Variants in SLCO2A1 observed in about 807,000 individuals in gnomAD.
SLCO2A1 encodes matrin F/G 1.
In SLCO2A1, 60 loss-of-function variants were observed where a neutral mutation model predicts 71.7. The observed-to-expected ratio is 0.84, with a 90% CI of 0.68 to 1.04. The LOEUF (loss-of-function observed/expected upper bound fraction) is 1.04, where lower values mean the gene tolerates loss of function less well. SLCO2A1 is among the 50% of genes least tolerant of loss of function. SLCO2A1 has a pLI of 0.00. For missense variants in SLCO2A1, 745 were observed against 813.4 expected, an observed-to-expected ratio of 0.92 and a Z score of 1.02; for synonymous variants, 308 against 326.7, an observed-to-expected ratio of 0.94 and a Z score of 0.62.
intron 3 of SLCO2A1, among the ~76,000 whole-genome samples, chr3:133,972,484 T>G (rs1271764232): frequency 1.3e-5 from 2 of 152,028 alleles, no homozygotes; most frequent in Non-Finnish European, 2.9e-5. Context: ...GGCAGAAAAT[T>G]TTTCAAAATT....
chr3:133,969,114 CACA>C (rs1298071426), intron 3 of SLCO2A1, among the ~76,000 whole-genome samples: 6 of 152,170 alleles, frequency 3.9e-5, no homozygotes, highest in Admixed American at 2.0e-4. Flanking sequence ...TTTCAAATAC[CACA>C]ACAAGGGCAG....
intron 1 of SLCO2A1, among the ~76,000 whole-genome samples, chr3:134,015,546 C>A (rs2108076686): frequency 6.6e-6 from 1 of 151,962 alleles, no homozygotes; most frequent in African/African-American, 2.4e-5. Context: ...CTATAGTCAA[C>A]AATAATGTAA....
At chr3:134,009,755 A>T (rs1317574214) in intron 1 of SLCO2A1, among the ~76,000 whole-genome samples, 2 of 152,250 alleles carry the variant, frequency 1.3e-5, no homozygotes. Flanking sequence ...ACAACAACAG[A>T]TATAAATAGG....
At chr3:133,959,783 G>C (rs1354944544) in intron 3 of SLCO2A1, among the ~76,000 whole-genome samples, 2 of 151,946 alleles carry the variant, frequency 1.3e-5, no homozygotes, top group Non-Finnish European at 2.9e-5. Context: ...CCAAGATCCT[G>C]CCACTGCCTG....
intron 1 of SLCO2A1, among the ~76,000 whole-genome samples, chr3:134,009,578 AGCCACTTGACTGCCCCAC>A (rs1289454398): frequency 6.6e-6 from 1 of 152,254 alleles, no homozygotes; most frequent in Non-Finnish European, 1.5e-5. Flanking sequence ...CAAGAGTTTA[AGCCACTTGACTGCCCCAC>A]GCCCATGAAG....
At chr3:133,954,464 A>C (rs1263691221) in intron 4 of SLCO2A1, among the ~76,000 whole-genome samples, 2 of 152,298 alleles carry the variant, frequency 1.3e-5, no homozygotes, top group East Asian at 3.9e-4. Context: ...GCCCGTCCCA[A>C]AGTGGCTTGT....
At chr3:134,011,151 A>T (rs1007426031) in intron 1 of SLCO2A1, among the ~76,000 whole-genome samples, 1 of 152,136 alleles carries the variant, frequency 6.6e-6, no homozygotes, top group African/African-American at 2.4e-5. Context: ...CCTGGGTTCA[A>T]GCAGCTCTCC....
chr3:134,010,589 T>TA (rs1453088698), intron 1 of SLCO2A1, among the ~76,000 whole-genome samples: 2 of 151,486 alleles, frequency 1.3e-5, no homozygotes, highest in Non-Finnish European at 1.5e-5. Flanking sequence ...CTGTCTCTAC[T>TA]AAAAAAACGC....
At chr3:134,019,518 G>T (rs1935525754) in intron 1 of SLCO2A1, among the ~76,000 whole-genome samples, 1 of 152,290 alleles carries the variant, frequency 6.6e-6, no homozygotes, top group East Asian at 1.9e-4. Flanking sequence ...AGCAAGAATT[G>T]ATCTCAGATG....
intron 13 of SLCO2A1, 41 bp from the exon 14 acceptor site, chr3:133,934,871 C>T (rs1208002428): frequency 6.7e-7 from 1 of 1,499,922 alleles, no homozygotes; most frequent in Non-Finnish European, 9.2e-7. Context: ...GGAGGGGGCT[C>T]TGCAGCCCAC....
chr3:133,934,483 G>A lies in SLCO2A1; in HGVS notation c.*230C>T, dbSNP rs1933215714. ...CTGGGGGCCTCTTCCAAGGGGCCAG[G>A]GAAGACTCAGCCCCCCAGTTCTGGC... On this transcript the variant is annotated 3_prime_UTR_variant, in exon 14 of 14. Coordinates refer to ENST00000310926, the MANE Select transcript of SLCO2A1 (RefSeq NM_005630.3). 6.9e-6 allele frequency: 3 copies of A among 432,846 alleles called. No individual in the cohort carries two copies. The highest frequency in any genetic ancestry group is 6.1e-5 in the South Asian group (2 of 32,870). The allele number at this position is 432,846 out of a possible 1,614,324, so 26.8% of individuals were successfully genotyped here.
chr3:133,985,845 C>T (rs757648054), intron 1 of SLCO2A1, among the ~76,000 whole-genome samples: 1 of 152,228 alleles, frequency 6.6e-6, no homozygotes, highest in African/African-American at 2.4e-5. Flanking sequence ...AGGCTGCAGA[C>T]TTGTTCCAGT....
intron 10 of SLCO2A1, among the ~76,000 whole-genome samples, chr3:133,943,336 A>G (rs867397919): frequency 6.6e-6 from 1 of 151,834 alleles, no homozygotes; most frequent in Non-Finnish European, 1.5e-5. Flanking sequence ...CTGTTGTCCA[A>G]CTCACTTTGG....
intron 1 of SLCO2A1, among the ~76,000 whole-genome samples, chr3:134,029,389 C>G (rs1306542135): frequency 6.6e-6 from 1 of 152,192 alleles, no homozygotes; most frequent in Non-Finnish European, 1.5e-5. Flanking sequence ...AATTCTCTCG[C>G]TTATAACTCT....
intron 1 of SLCO2A1, among the ~76,000 whole-genome samples, chr3:134,020,646 C>T (rs1935553866): frequency 6.6e-6 from 1 of 152,254 alleles, no homozygotes; most frequent in Admixed American, 6.5e-5. Context: ...GGAAGCGTGG[C>T]CTGATCACCC....
chr3:133,990,674 T>A (rs1215344487), intron 1 of SLCO2A1, among the ~76,000 whole-genome samples: 1 of 152,144 alleles, frequency 6.6e-6, no homozygotes, highest in African/African-American at 2.4e-5. Context: ...CATCGCACTG[T>A]CTGCCTTCAC....
chr3:133,985,710 CA>C (rs1934699119), intron 1 of SLCO2A1, among the ~76,000 whole-genome samples: 1 of 152,182 alleles, frequency 6.6e-6, no homozygotes, highest in South Asian at 2.1e-4. Context: ...ATCCACAGTG[CA>C]TGAAATGATG....
chr3:133,989,693 C>T (rs1458692385), intron 1 of SLCO2A1, among the ~76,000 whole-genome samples: 4 of 152,286 alleles, frequency 2.6e-5, no homozygotes, highest in Middle Eastern at 3.4e-3. Context: ...CCACCAGTAC[C>T]GCAGGTTGGG....
chr3:134,015,305 G>C (rs543844768), intron 1 of SLCO2A1, among the ~76,000 whole-genome samples: 22 of 152,286 alleles, frequency 1.4e-4, no homozygotes, highest in South Asian at 6.2e-4. Context: ...GATAAATCTA[G>C]AGGACATTAT....
Sources: allele counts gnomAD v4.1 joint callset (sites outside exome capture counted in the v4.1 genomes callset), GRCh38; gene constraint gnomAD v4.1.1; transcripts MANE v1.5; gene names NCBI Gene and HGNC (gene_info 2026-07-23, HGNC 2026-07-21).